Variants in KCNQ5 observed in about 807,000 individuals in gnomAD.
KCNQ5 encodes potassium voltage-gated channel subfamily KQT member 5.
A neutral mutation model predicts 98.2 loss-of-function variants in KCNQ5; 30 were observed. The observed-to-expected ratio is 0.31, with a 90% CI of 0.23 to 0.41. The LOEUF (loss-of-function observed/expected upper bound fraction) is 0.41, where lower values mean the gene tolerates loss of function less well. KCNQ5 is among the 10% of genes least tolerant of loss of function. The probability of loss-of-function intolerance (pLI) is 1.00; values close to 1 mark genes in which losing one functional copy is unlikely to be tolerated. For synonymous variants in KCNQ5, 458 were observed against 449.4 expected, an observed-to-expected ratio of 1.02 and a Z score of -0.24; for missense variants, 835 against 1,182.5, an observed-to-expected ratio of 0.71 and a Z score of 4.31.
chr6:72,846,286 G>A (rs530452656), intron 1 of KCNQ5, among the ~76,000 whole-genome samples: 1 of 152,276 alleles, frequency 6.6e-6, no homozygotes, highest in Admixed American at 6.5e-5. Context: ...ATTTCTCAAA[G>A]AGTTGTGGAG....
chr6:73,141,797 T>C (rs984241988), intron 10 of KCNQ5, among the ~76,000 whole-genome samples: 5 of 152,232 alleles, frequency 3.3e-5, no homozygotes, highest in African/African-American at 9.6e-5. Context: ...CATGTCCACA[T>C]TGATACTTTA....
intron 10 of KCNQ5, among the ~76,000 whole-genome samples, chr6:73,136,360 A>T (rs1162130566): frequency 6.6e-6 from 1 of 152,256 alleles, no homozygotes; most frequent in Non-Finnish European, 1.5e-5. Flanking sequence ...AATTTTTCAC[A>T]GTATCTAGAG....
chr6:72,963,678 A>ATTTT (rs1767479341), intron 1 of KCNQ5, among the ~76,000 whole-genome samples: 1 of 152,016 alleles, frequency 6.6e-6, no homozygotes, highest in South Asian at 2.1e-4. Flanking sequence ...TTATTTATTT[A>ATTTT]TTGAGATAGA....
chr6:72,972,709 C>G lies in KCNQ5; in HGVS notation c.399-31199C>G, dbSNP rs374369380. Among the ~76,000 whole-genome samples, 3 of 152,194 alleles carry G rather than the reference C, an allele frequency of 2.0e-5. No homozygotes were observed. In the East Asian group the frequency reaches 5.8e-4, roughly 29 times the overall value. ...TAAGAGCTGCTTCTTTGTATAAGTGCCTGGTGGTTAACACAAGTGCCTAGT... is the reference window on the plus strand; with the variant it reads ...TAAGAGCTGCTTCTTTGTATAAGTGGCTGGTGGTTAACACAAGTGCCTAGT... On this transcript the variant is annotated intron_variant, in intron 1 of 13. Transcript: ENST00000370398.
chr6:73,080,319 AT>A (rs900632217), intron 5 of KCNQ5, among the ~76,000 whole-genome samples: 2 of 152,186 alleles, frequency 1.3e-5, no homozygotes, highest in Non-Finnish European at 2.9e-5. Context: ...TTTAAAAAAA[AT>A]CTAGTCTTGA....
intron 6 of KCNQ5, among the ~76,000 whole-genome samples, chr6:73,111,001 A>T (rs1460230667): frequency 6.6e-6 from 1 of 152,172 alleles, no homozygotes; most frequent in Non-Finnish European, 1.5e-5. Context: ...ACACAAAAAA[A>T]TTTTATTGTG....
chr6:73,080,226 G>T (rs918270876), intron 5 of KCNQ5, among the ~76,000 whole-genome samples: 3 of 152,074 alleles, frequency 2.0e-5, no homozygotes, highest in African/African-American at 4.8e-5. Context: ...CATTTTCATT[G>T]ATTTGCCTTT....
intron 10 of KCNQ5, among the ~76,000 whole-genome samples, chr6:73,156,598 T>A (rs1777370706): frequency 6.6e-6 from 1 of 151,866 alleles, no homozygotes; most frequent in African/African-American, 2.4e-5. Flanking sequence ...GCACTCCAGC[T>A]GGGCAACAGA....
At chr6:72,744,277 CTATT>C (rs1169230921) in intron 1 of KCNQ5, among the ~76,000 whole-genome samples, 21 of 152,168 alleles carry the variant, frequency 1.4e-4, no homozygotes, top group Admixed American at 7.2e-4. Flanking sequence ...AAACTGCAAT[CTATT>C]TATCCTGTGG....
At chr6:72,858,329 T>C (rs984481580) in intron 1 of KCNQ5, among the ~76,000 whole-genome samples, 3 of 152,120 alleles carry the variant, frequency 2.0e-5, no homozygotes, top group Non-Finnish European at 4.4e-5. Context: ...ATTTCAAAAG[T>C]TCGTTTGCAT....
intron 8 of KCNQ5, among the ~76,000 whole-genome samples, chr6:73,123,995 C>A (rs1775847557): frequency 6.6e-6 from 1 of 152,118 alleles, no homozygotes; most frequent in Admixed American, 6.6e-5. Flanking sequence ...GGTAAATATT[C>A]TATGTACCTT....
intron 10 of KCNQ5, among the ~76,000 whole-genome samples, chr6:73,161,614 A>C (rs1777617757): frequency 6.6e-6 from 1 of 152,222 alleles, no homozygotes; most frequent in Non-Finnish European, 1.5e-5. Flanking sequence ...ATCAATGAAA[A>C]ATAGAATTAT....
At chr6:73,171,588 T>C (rs1055761839) in intron 11 of KCNQ5, among the ~76,000 whole-genome samples, 1 of 152,224 alleles carries the variant, frequency 6.6e-6, no homozygotes, top group Non-Finnish European at 1.5e-5. Flanking sequence ...GAAATACATT[T>C]TAAAATTTAG....
intron 1 of KCNQ5, chr6:72,987,453 A>G: frequency 1.5e-6 from 1 of 679,074 alleles, no homozygotes; most frequent in Admixed American, 1.8e-5. Context: ...TGGTTTTGAC[A>G]ACGAGGAACA....
chr6:72,685,501 C>T (rs1338105006), intron 1 of KCNQ5, among the ~76,000 whole-genome samples: 1 of 152,194 alleles, frequency 6.6e-6, no homozygotes, highest in Admixed American at 6.5e-5. Flanking sequence ...CAATTTCTTA[C>T]TCCAGAGTCA....
At chr6:73,017,566 G>C (rs1344585061) in intron 2 of KCNQ5, among the ~76,000 whole-genome samples, 1 of 152,108 alleles carries the variant, frequency 6.6e-6, no homozygotes, top group Non-Finnish European at 1.5e-5. Context: ...CTGCAAAGTA[G>C]ATTAGAGAAA....
chr6:73,058,777 G>A (rs1772643049), intron 3 of KCNQ5, among the ~76,000 whole-genome samples: 1 of 152,084 alleles, frequency 6.6e-6, no homozygotes, highest in Non-Finnish European at 1.5e-5. Context: ...ACTTGTAAAA[G>A]AAGACATACA....
intron 1 of KCNQ5, among the ~76,000 whole-genome samples, chr6:72,854,565 G>T (rs955115076): frequency 1.3e-5 from 2 of 151,758 alleles, no homozygotes; most frequent in African/African-American, 4.8e-5. Flanking sequence ...TTAAAAGAGA[G>T]AATAAGTGTG....
intron 1 of KCNQ5, among the ~76,000 whole-genome samples, chr6:72,796,879 G>C (rs558559126): frequency 6.6e-6 from 1 of 152,276 alleles, no homozygotes; most frequent in East Asian, 1.9e-4. Flanking sequence ...TAAAGGGCAA[G>C]AACATCTAAT....
Sources: allele counts gnomAD v4.1 joint callset (sites outside exome capture counted in the v4.1 genomes callset), GRCh38; gene constraint gnomAD v4.1.1; transcripts MANE v1.5; gene names NCBI Gene and HGNC (gene_info 2026-07-23, HGNC 2026-07-21).